Variants in LGR6 observed in about 807,000 individuals in gnomAD.
LGR6 encodes leucine-rich repeat-containing G protein-coupled receptor 6.
In LGR6, 45 loss-of-function variants were observed where a neutral mutation model predicts 69.4. That is an observed-to-expected ratio of 0.65 (90% CI 0.51 to 0.83). The LOEUF (loss-of-function observed/expected upper bound fraction) is 0.83. LGR6 is among the 40% of genes least tolerant of loss of function. LGR6 has a pLI of 0.00. For missense variants in LGR6, 1,108 were observed against 1,246.7 expected (o/e 0.89, Z 1.68); for synonymous variants, 538 against 555.0 (o/e 0.97, Z 0.43).
At chr1:202,316,834 G>T (rs1287101426) in intron 17 of LGR6, among the ~76,000 whole-genome samples, 1 of 152,136 alleles carries the variant, frequency 6.6e-6, no homozygotes, top group African/African-American at 2.4e-5. Context: ...CAAAGAAAAT[G>T]AAGAAATAAT....
chr1:202,227,892 T>C (rs754857511), intron 2 of LGR6, 44 bp from the exon 3 acceptor site: 1 of 1,443,532 alleles, frequency 6.9e-7, no homozygotes, highest in East Asian at 2.3e-5. Flanking sequence ...ACCACCTCCT[T>C]GGGTTACCTG....
rs371460291 is a variant in LGR6 at position 202,280,761 on chromosome 1, C to T, written c.645-20C>T. 159 of 1,613,582 alleles carry T rather than the reference C, an allele frequency of 9.9e-5. No homozygotes were observed. The African/African-American group carries it at 1.3e-3, about 14-fold the overall frequency. On this transcript the variant is annotated intron_variant, in intron 5 of 17. Coordinates refer to ENST00000367278, the MANE Select transcript of LGR6 (RefSeq NM_001017403.2). ...AGTGCCGTGGGCACCCATTCTGATGCGTCTTTCCTTCCCGTGCAGGCATTT... is the reference window on the plus strand; with the variant it reads ...AGTGCCGTGGGCACCCATTCTGATGTGTCTTTCCTTCCCGTGCAGGCATTT...
At position 202,303,365 on chromosome 1, in the gene LGR6, C is replaced by G. The variant is rs748023887; in HGVS notation, c.998+18C>G. On this transcript the variant is annotated intron_variant, in intron 10 of 17. Transcript: ENST00000367278. The stretch of plus-strand genomic sequence containing the variant: ...GAGATCCTGTGAGTGGCTTCTCTCT[C>G]CCTACCTTATCTATCGCCCCAGCTT... 10 of 1,601,244 alleles carry G rather than the reference C, an allele frequency of 6.2e-6. No homozygotes were observed. The highest frequency in any genetic ancestry group is 1.6e-4 in the Middle Eastern group (1 of 6,064).
At position 202,318,984 on chromosome 1, in the gene LGR6, A is replaced by T. The variant is rs1458078730; in HGVS notation, c.2681A>T (p.Tyr894Phe). The T allele has an allele frequency of 1.2e-6, 2 of 1,613,720 alleles. No individual in the cohort carries two copies. Among genetic ancestry groups the T allele is most frequent in the Non-Finnish European group, 1.7e-6 (2 of 1,179,792 alleles). The stretch of plus-strand genomic sequence containing the variant: ...GGGCGGCCCCCTGGGCTGGAGACCT[A>T]TGGCTTCCCCTCAGTGACCCTCATC... ...EAGRPPGLETYGFPSVTLISC... is the reference protein window; with the variant it reads ...EAGRPPGLETFGFPSVTLISC... The change falls in exon 18 of 18, where the codon TAT (tyrosine) becomes TTT (phenylalanine). Residue 894 changes from tyrosine (Y) to phenylalanine (F), a missense_variant. By Grantham distance (22) the Tyr-to-Phe change is conservative. Transcript: ENST00000367278.
intron 6 of LGR6, among the ~76,000 whole-genome samples, chr1:202,285,099 A>G (rs149893846): frequency 1.3e-5 from 2 of 152,342 alleles, no homozygotes; most frequent in East Asian, 3.9e-4. Flanking sequence ...CTGCCTTATA[A>G]TACAAAATTG....
At chr1:202,248,820 A>G (rs1015488232) in intron 4 of LGR6, among the ~76,000 whole-genome samples, 1 of 152,080 alleles carries the variant, frequency 6.6e-6, no homozygotes, top group African/African-American at 2.4e-5. Context: ...TTTTCTCCAG[A>G]AGGTGTCCTG....
intron 1 of LGR6, among the ~76,000 whole-genome samples, chr1:202,220,420 T>C (rs1660070976): frequency 7.2e-6 from 1 of 138,960 alleles, no homozygotes; most frequent in Non-Finnish European, 1.6e-5. Context: ...GATTTCACCA[T>C]GTTGGCCAGA....
At chr1:202,206,344 AC>A (rs1192518348) in intron 1 of LGR6, among the ~76,000 whole-genome samples, 1 of 152,200 alleles carries the variant, frequency 6.6e-6, no homozygotes, top group East Asian at 1.9e-4. Flanking sequence ...AGAGCTCAGG[AC>A]CCAAAGGAGT....
At chr1:202,201,054 C>T (rs183397354) in intron 1 of LGR6, among the ~76,000 whole-genome samples, 85 of 152,340 alleles carry the variant, frequency 5.6e-4, no homozygotes, top group Admixed American at 3.9e-3. Flanking sequence ...TGCCTATGCT[C>T]TGTGTCTTCA....
intron 6 of LGR6, among the ~76,000 whole-genome samples, chr1:202,291,557 T>C (rs1410284090): frequency 5.3e-5 from 8 of 152,230 alleles, no homozygotes. Context: ...GTGCCTGTGC[T>C]GTGGGAGATC....
At chr1:202,293,492 G>C (rs1414656118) in intron 6 of LGR6, among the ~76,000 whole-genome samples, 1 of 152,040 alleles carries the variant, frequency 6.6e-6, no homozygotes, top group Non-Finnish European at 1.5e-5. Context: ...CATTTGTCTA[G>C]ATAGGAGTGG....
chr1:202,297,486 A>G (rs779986829), intron 6 of LGR6, 22 bp from the exon 7 acceptor site: 2 of 1,608,658 alleles, frequency 1.2e-6, no homozygotes, highest in South Asian at 2.2e-5. Flanking sequence ...TGCCCTAATG[A>G]CTGCTCTGCT....
chr1:202,214,043 C>T, intron 1 of LGR6: 5 of 1,347,890 alleles, frequency 3.7e-6, no homozygotes, highest in Non-Finnish European at 4.7e-6. Flanking sequence ...ATGGGTGGGG[C>T]GCTATCCAGA....
chr1:202,267,105 A>G (rs150800137), intron 4 of LGR6, among the ~76,000 whole-genome samples: 296 of 152,308 alleles, frequency 1.9e-3, no homozygotes, highest in Non-Finnish European at 1.0e-3. Flanking sequence ...TTCCTCAGTC[A>G]TGCTGGCCAC....
intron 1 of LGR6, among the ~76,000 whole-genome samples, chr1:202,201,805 G>A (rs192508210): frequency 1.3e-5 from 2 of 152,350 alleles, no homozygotes; most frequent in Non-Finnish European, 2.9e-5. Context: ...ACTTGGAGGG[G>A]AAGGTATTGG....
chr1:202,265,184 C>A (rs1403077740), intron 4 of LGR6, among the ~76,000 whole-genome samples: 2 of 152,194 alleles, frequency 1.3e-5, no homozygotes, highest in African/African-American at 4.8e-5. Flanking sequence ...CCATCACCCC[C>A]ACCCCACCTC....
At chr1:202,247,634 A>G (rs1025566086) in intron 4 of LGR6, among the ~76,000 whole-genome samples, 4 of 152,210 alleles carry the variant, frequency 2.6e-5, no homozygotes, top group East Asian at 3.8e-4. Context: ...AGTTGGGCAG[A>G]TAAAGGTTAG....
chr1:202,242,820 G>A lies in LGR6; in HGVS notation c.428+6827G>A, dbSNP rs1005031813. Among the ~76,000 whole-genome samples the A allele has an allele frequency of 7.2e-5, 11 of 152,178 alleles. 1 individual carries two copies. Among genetic ancestry groups the A allele is most frequent in the African/African-American group, 2.7e-4 (11 of 41,426 alleles). ...CAAGCCCCCCTCATCTCATGCCTCT[G>A]ATCGCCCTCCAAAGGACTATTGTAC... On this transcript the variant is annotated intron_variant, in intron 4 of 17. Coordinates refer to ENST00000367278, the MANE Select transcript of LGR6 (RefSeq NM_001017403.2).
At position 202,271,653 on chromosome 1, in the gene LGR6, A is replaced by G. The variant is rs576159443; in HGVS notation, c.429-4653A>G. ...GAAACCCTGTCTCTACGAAAATACAAAAAAATTAGCCGGGCTTGGTGGCAG... is the reference window on the plus strand; with the variant it reads ...GAAACCCTGTCTCTACGAAAATACAGAAAAATTAGCCGGGCTTGGTGGCAG... On this transcript the variant is annotated intron_variant, in intron 4 of 17. Coordinates refer to ENST00000367278, the MANE Select transcript of LGR6 (RefSeq NM_001017403.2). 3.5e-3 allele frequency among the ~76,000 whole-genome samples: 535 copies of G among 152,050 alleles called. 5 individuals carry two copies. The highest frequency in any genetic ancestry group is 0.012 in the African/African-American group (512 of 41,466).
Sources: allele counts gnomAD v4.1 joint callset (sites outside exome capture counted in the v4.1 genomes callset), GRCh38; gene constraint gnomAD v4.1.1; transcripts MANE v1.5; gene names NCBI Gene and HGNC (gene_info 2026-07-23, HGNC 2026-07-21).